Variants in SLIT1 observed in about 807,000 individuals in gnomAD.
The protein encoded by SLIT1 is slit homolog 1 protein.
In SLIT1, 66 loss-of-function variants were observed where a neutral mutation model predicts 186.1. The ratio of observed to expected loss-of-function variants is 0.35; its 90% confidence interval spans 0.29 to 0.44. SLIT1 has a LOEUF of 0.44. Ranked by LOEUF, SLIT1 falls within the 20% of genes least tolerant of loss-of-function variation. SLIT1 has a pLI of 1.00. For missense variants in SLIT1, 1,638 were observed against 2,037.4 expected, an observed-to-expected ratio of 0.80 and a Z score of 3.77; for synonymous variants, 761 against 833.8, an observed-to-expected ratio of 0.91 and a Z score of 1.50.
intron 4 of SLIT1, among the ~76,000 whole-genome samples, chr10:97,122,609 T>C (rs1849569398): frequency 6.6e-6 from 1 of 152,028 alleles, no homozygotes; most frequent in Non-Finnish European, 1.5e-5. Flanking sequence ...TCCAGGGAGG[T>C]ACATACTCCG....
At chr10:97,051,818 A>C (rs1848789915) in intron 13 of SLIT1, among the ~76,000 whole-genome samples, 1 of 151,786 alleles carries the variant, frequency 6.6e-6, no homozygotes, top group South Asian at 2.1e-4. Context: ...TCTCAAAAAA[A>C]AAAAAAAAAG....
chr10:97,088,133 T>C (rs375509688), intron 4 of SLIT1, among the ~76,000 whole-genome samples: 6 of 152,334 alleles, frequency 3.9e-5, no homozygotes, highest in African/African-American at 1.4e-4. Flanking sequence ...TCTGATTTTA[T>C]TGATCAGGGA....
chr10:97,008,717 A>ATAC (rs988984075), intron 31 of SLIT1, among the ~76,000 whole-genome samples: 2 of 151,774 alleles, frequency 1.3e-5, no homozygotes, highest in African/African-American at 4.8e-5. Flanking sequence ...AAAAAAGGGA[A>ATAC]TACTACCTAA....
rs1026705920 is a variant in SLIT1, at chr10:97,074,088, C to T, written c.414-8002G>A. 7.2e-5 allele frequency among the ~76,000 whole-genome samples: 11 copies of T among 152,286 alleles called. 1 individual carries two copies. The East Asian group carries it at 9.6e-4, about 13-fold the overall frequency. On this transcript the variant is annotated intron_variant, in intron 4 of 36. Coordinates refer to ENST00000266058, the MANE Select transcript of SLIT1 (RefSeq NM_003061.3). ...TCCTAGCACCCCCACTTTTACTTTT[C>T]GGCACAACCCAGGCTTGTAATAAAA...
At chr10:97,142,409 G>C (rs1208971368) in intron 4 of SLIT1, among the ~76,000 whole-genome samples, 1 of 152,134 alleles carries the variant, frequency 6.6e-6, no homozygotes, top group African/African-American at 2.4e-5. Flanking sequence ...TGGGAAAACT[G>C]AATATCCCCA....
chr10:97,031,746 C>G (rs1400513668), intron 23 of SLIT1, 69 bp from the exon 24 acceptor site: 5 of 1,298,686 alleles, frequency 3.9e-6, no homozygotes, highest in Non-Finnish European at 5.4e-6. Flanking sequence ...AGCCGCCGCC[C>G]AGGACGTGGA....
rs1848343590 is a variant in SLIT1 at position 97,004,638 on chromosome 10, C to T, written c.3710+55G>A. On this transcript the variant is annotated intron_variant, in intron 33 of 36. Transcript: ENST00000266058. This position sits in a 1 kb window ranked among gnomAD's most constrained non-coding sequence, Gnocchi z 5.1. ...CACCTGCTTTTGGCCCAGGAGACCT[C>T]GCCCTGGCAGTCCCGTACCCCTGAG... The T allele has an allele frequency of 6.8e-6, 11 of 1,607,440 alleles. No individual in the cohort carries two copies. Among genetic ancestry groups the T allele is most frequent in the East Asian group, 6.7e-5 (3 of 44,838 alleles).
chr10:97,021,380 G>A lies in SLIT1; in HGVS notation c.2616C>T (p.Cys872=). 6.2e-7 allele frequency: 1 copy of A among 1,614,106 alleles called. No individual in the cohort carries two copies. The highest frequency in any genetic ancestry group is 8.5e-7 in the Non-Finnish European group (1 of 1,179,998). ...AIGANPLYCD[C]HLRWLSSWVK... ...CCCAGCTGGACAGCCAGCGGAGGTG[G>A]CAGTCACAGTATAGGGGGTTGGCAC... Residue 872 remains cysteine (C), a synonymous_variant, in exon 26 of 37, where the codon TGC becomes TGT. Transcript: ENST00000266058. This position sits in a 1 kb window ranked among gnomAD's most constrained non-coding sequence, Gnocchi z 4.5.
rs1848591170 is a variant in SLIT1, at chr10:97,031,592, G to A, written c.2510+14C>T. 1 of 1,548,138 alleles carries A rather than the reference G, an allele frequency of 6.5e-7. No individual in the cohort carries two copies. The highest frequency in any genetic ancestry group is 8.7e-7 in the Non-Finnish European group (1 of 1,144,110). ...GGTGGATTTTCTGGCAGGATGGTGA[G>A]TGAGGAGACTTACAGCAGGCGCAGG... On this transcript the variant is annotated intron_variant, in intron 24 of 36. Transcript: ENST00000266058.
At chr10:97,135,115 C>T (rs564303763) in intron 4 of SLIT1, among the ~76,000 whole-genome samples, 59 of 152,300 alleles carry the variant, frequency 3.9e-4, no homozygotes, top group African/African-American at 1.2e-3. Flanking sequence ...CAGAGGCCTA[C>T]GGGCCCAGCC....
intron 25 of SLIT1, among the ~76,000 whole-genome samples, chr10:97,025,284 CAAAAAACAAAAACA>C (rs1234594127): frequency 6.7e-6 from 1 of 148,266 alleles, no homozygotes; most frequent in Non-Finnish European, 1.5e-5. Flanking sequence ...CCAGCCGTCT[CAAAAAACAAAAACA>C]AAAAAACAAA....
intron 4 of SLIT1, among the ~76,000 whole-genome samples, chr10:97,074,999 C>G (rs992831556): frequency 6.6e-6 from 1 of 152,230 alleles, no homozygotes; most frequent in Non-Finnish European, 1.5e-5. Flanking sequence ...CAGAGGGCTG[C>G]TGGGCACCTG....
At chr10:97,183,373 A>C (rs1344303910) in intron 1 of SLIT1, among the ~76,000 whole-genome samples, 1 of 152,210 alleles carries the variant, frequency 6.6e-6, no homozygotes, top group African/African-American at 2.4e-5. Context: ...CTATCCTATC[A>C]TAATAATGGC....
intron 4 of SLIT1, among the ~76,000 whole-genome samples, chr10:97,152,275 C>T (rs1849889625): frequency 6.6e-6 from 1 of 152,174 alleles, no homozygotes; most frequent in Non-Finnish European, 1.5e-5. Context: ...AAACAAAACC[C>T]TGTTGGGGGA....
rs563549092 is a variant in SLIT1 at position 97,158,555 on chromosome 10, G to A, written c.342-666C>T. On this transcript the variant is annotated intron_variant, in intron 3 of 36. Transcript: ENST00000266058. ...CAGGCGCCTGTAATCCCAGCTACTC[G>A]GGAGGCTGAGGCAGGAGAATCGCTT... 6.9e-3 allele frequency among the ~76,000 whole-genome samples: 1,041 copies of A among 151,866 alleles called. 5 individuals are homozygous for A. The highest frequency in any genetic ancestry group is 0.022 in the African/African-American group (895 of 41,368).
At chr10:97,061,739 T>C (rs1848895418) in intron 8 of SLIT1, among the ~76,000 whole-genome samples, 1 of 152,238 alleles carries the variant, frequency 6.6e-6, no homozygotes, top group African/African-American at 2.4e-5. Context: ...CTGCCTTTAA[T>C]ATTTTTGGAC....
At position 97,185,864 on chromosome 10, in the gene SLIT1, G is replaced by C. The variant is rs548756741; in HGVS notation, c.-190C>G. The C allele has an allele frequency of 2.0e-6, 1 of 512,252 alleles. No homozygotes were observed. Among genetic ancestry groups the C allele is most frequent in the African/African-American group, 2.0e-5 (1 of 49,112 alleles). 31.7% of individuals were successfully genotyped at this position (512,252 alleles called of 1,614,324 possible). Reference sequence around the variant, plus strand: ...CGGCGCCTGTGCGCGGACGGAGGGAGGGCGCCTTGGGCGGAGGGGGCTCGG... The same window carrying C: ...CGGCGCCTGTGCGCGGACGGAGGGACGGCGCCTTGGGCGGAGGGGGCTCGG... On this transcript the variant is annotated 5_prime_UTR_variant, in exon 1 of 37. Coordinates refer to ENST00000266058, the MANE Select transcript of SLIT1 (RefSeq NM_003061.3).
At chr10:97,154,964 T>C (rs1353051940) in intron 4 of SLIT1, 2 of 152,244 alleles carry the variant, frequency 1.3e-5, no homozygotes, top group East Asian at 1.9e-4. Context: ...TCACTTCCTC[T>C]TTCCAACCTG....
At chr10:97,077,849 G>C (rs1241693428) in intron 4 of SLIT1, among the ~76,000 whole-genome samples, 1 of 152,058 alleles carries the variant, frequency 6.6e-6, no homozygotes, top group African/African-American at 2.4e-5. Flanking sequence ...GCTCATGCTT[G>C]TAATCCCAGC....
Sources: gnomAD v4.1 joint callset for allele counts (sites outside exome capture counted in the v4.1 genomes callset) on GRCh38, gnomAD v4.1.1 for gene constraint, Gnocchi (gnomAD v3.1) non-coding constraint, MANE v1.5 for transcripts, NCBI Gene and HGNC (gene_info 2026-07-23, HGNC 2026-07-21) for gene names.